CSMD1: variants seen among roughly 807,000 people sequenced by gnomAD.
CSMD1 encodes CUB and sushi domain-containing protein 1.
In CSMD1, 213 loss-of-function variants were observed where a neutral mutation model predicts 417.5. The observed-to-expected ratio is 0.51, with a 90% confidence interval of 0.46 to 0.57. The LOEUF is 0.57. Among genes scored for constraint, CSMD1 ranks in the 20% least tolerant of loss-of-function variants. The pLI is 0.00. For missense variants in CSMD1, 6,923 were observed against 4,529.7 expected, an observed-to-expected ratio of 1.53 and a Z score of -15.17; for synonymous variants, 2,862 against 1,736.8, an observed-to-expected ratio of 1.65 and a Z score of -16.11.
chr8:3,455,261 C>A (rs1816032604), intron 12 of CSMD1, among the ~76,000 whole-genome samples: 1 of 152,118 alleles, frequency 6.6e-6, no homozygotes, highest in Non-Finnish European at 1.5e-5. Flanking sequence ...GTTCAAACTT[C>A]CTCCTTTAGC....
intron 23 of CSMD1, among the ~76,000 whole-genome samples, chr8:3,335,309 G>T (rs1807183617): frequency 6.6e-6 from 1 of 152,136 alleles, no homozygotes; most frequent in South Asian, 2.1e-4. Context: ...ACAGTGACAG[G>T]ATCAATTTCC....
At chr8:4,213,973 G>T (rs997254168) in intron 3 of CSMD1, among the ~76,000 whole-genome samples, 1 of 152,152 alleles carries the variant, frequency 6.6e-6, no homozygotes, top group Admixed American at 6.5e-5. Flanking sequence ...AACACATGGT[G>T]TCTTTCAAGG....
rs551954586 is a variant in CSMD1, at chr8:4,345,473, A to G, written c.415+74480T>C. On this transcript the variant is annotated intron_variant, in intron 3 of 69. Coordinates refer to ENST00000635120, the MANE Select transcript of CSMD1 (RefSeq NM_033225.6). ...AAATAGATAACTGGAATTACATCAA[A>G]CTACAAAGCTTTTATATAGCAAAGG... Among the ~76,000 whole-genome samples the G allele has an allele frequency of 3.3e-5, 5 of 152,238 alleles. No homozygotes were observed. In the East Asian group the frequency reaches 7.7e-4, roughly 24 times the overall value.
chr8:3,755,709 C>T (rs1392145266), intron 5 of CSMD1, among the ~76,000 whole-genome samples: 1 of 152,028 alleles, frequency 6.6e-6, no homozygotes, highest in Non-Finnish European at 1.5e-5. Context: ...GGCTCTATTC[C>T]AACTCTCAGG....
chr8:3,194,288 G>C (rs538319303), intron 33 of CSMD1, among the ~76,000 whole-genome samples: 2 of 152,122 alleles, frequency 1.3e-5, no homozygotes, highest in African/African-American at 4.8e-5. Context: ...ACATGTATTT[G>C]CCTGCCCAGA....
At chr8:4,044,629 G>C (rs1027319955) in intron 3 of CSMD1, among the ~76,000 whole-genome samples, 6 of 152,302 alleles carry the variant, frequency 3.9e-5, no homozygotes, top group Middle Eastern at 3.4e-3. Flanking sequence ...AATAAGAAGA[G>C]ACATAGCGCA....
intron 7 of CSMD1, among the ~76,000 whole-genome samples, chr8:3,628,294 G>A (rs141050303): frequency 6.6e-6 from 1 of 152,182 alleles, no homozygotes; most frequent in African/African-American, 2.4e-5. Flanking sequence ...CCCAGCAGAG[G>A]TTGCAGCCCA....
chr8:4,328,316 T>G (rs2128889062), intron 3 of CSMD1, among the ~76,000 whole-genome samples: 1 of 151,390 alleles, frequency 6.6e-6, no homozygotes, highest in South Asian at 2.1e-4. Context: ...ACGACTCAGT[T>G]AAGTCAACTG....
At chr8:4,694,382 C>T (rs910904124) in intron 1 of CSMD1, among the ~76,000 whole-genome samples, 1 of 152,006 alleles carries the variant, frequency 6.6e-6, no homozygotes, top group African/African-American at 2.4e-5. Context: ...GACGGAGTCT[C>T]GCTCTGTCGC....
intron 23 of CSMD1, among the ~76,000 whole-genome samples, chr8:3,310,999 C>T (rs944460864): frequency 3.3e-5 from 5 of 152,124 alleles, no homozygotes; most frequent in Non-Finnish European, 7.3e-5. Flanking sequence ...GGTCAAGATG[C>T]CTACACAGGC....
At chr8:3,130,044 G>A (rs1167999946) in intron 41 of CSMD1, among the ~76,000 whole-genome samples, 1 of 152,054 alleles carries the variant, frequency 6.6e-6, no homozygotes, top group Non-Finnish European at 1.5e-5. Context: ...AAATGTGGGA[G>A]ACTTGCAAGT....
chr8:3,479,576 A>T (rs1475229028), intron 11 of CSMD1, among the ~76,000 whole-genome samples: 3 of 152,204 alleles, frequency 2.0e-5, no homozygotes, highest in Non-Finnish European at 4.4e-5. Context: ...CACCGCGCCC[A>T]GCCTGCCATT....
chr8:3,575,025 T>G lies in CSMD1; in HGVS notation c.1264A>C (p.Ile422Leu). 1 of 1,613,532 alleles carries G rather than the reference T, an allele frequency of 6.2e-7. No homozygotes were observed. The highest frequency in any genetic ancestry group is 1.3e-5 in the African/African-American group (1 of 75,004). The change falls in exon 10 of 70, where the codon ATT becomes CTT. Residue 422 changes from isoleucine (I) to leucine (L), a missense_variant. Physicochemically the swap from Ile to Leu is conservative, Grantham distance 5 (BLOSUM62 2). Transcript: ENST00000635120. Reference sequence around the variant, plus strand: ...TGAACCGGATAATTAGGGGAGGTAATGACGCCGCTGGGCCCACGCAGATTG... The same window carrying G: ...TGAACCGGATAATTAGGGGAGGTAAGGACGCCGCTGGGCCCACGCAGATTG... The part of the protein sequence containing the change: ...GSNLRGPSGV[I>L]TSPNYPVQYE...
chr8:3,389,317 T>C (rs936162869), intron 17 of CSMD1, among the ~76,000 whole-genome samples: 1 of 152,108 alleles, frequency 6.6e-6, no homozygotes, highest in Admixed American at 6.6e-5. Flanking sequence ...CCTCTATGTG[T>C]CCATGTGTTT....
chr8:3,579,359 G>T (rs1054554517), intron 9 of CSMD1, among the ~76,000 whole-genome samples: 5 of 152,040 alleles, frequency 3.3e-5, no homozygotes, highest in Admixed American at 3.3e-4. Flanking sequence ...TAACTTATCT[G>T]TTTATTTAAA....
chr8:4,147,862 T>A (rs372562473), intron 3 of CSMD1, among the ~76,000 whole-genome samples: 1 of 152,084 alleles, frequency 6.6e-6, no homozygotes, highest in East Asian at 1.9e-4. Flanking sequence ...AAATGGTAGC[T>A]GAGCTTCATG....
chr8:3,770,645 T>G (rs181911880), intron 5 of CSMD1, among the ~76,000 whole-genome samples: 1 of 152,302 alleles, frequency 6.6e-6, no homozygotes, highest in East Asian at 1.9e-4. Flanking sequence ...AAATTGTTTT[T>G]AGTGCTTTTT....
intron 5 of CSMD1, among the ~76,000 whole-genome samples, chr8:3,912,433 G>C (rs1426933155): frequency 2.0e-5 from 3 of 152,270 alleles, no homozygotes; most frequent in African/African-American, 7.2e-5. Context: ...TTTCTACTTA[G>C]AGTAGACCAG....
intron 3 of CSMD1, among the ~76,000 whole-genome samples, chr8:4,087,037 C>T (rs553233740): frequency 6.6e-6 from 1 of 152,294 alleles, no homozygotes; most frequent in South Asian, 2.1e-4. Context: ...TAAGTTCCTC[C>T]CCAGTGACTG....
Sources: allele counts gnomAD v4.1 joint callset (sites outside exome capture counted in the v4.1 genomes callset), GRCh38; gene constraint gnomAD v4.1.1; transcripts MANE v1.5; gene names NCBI Gene and HGNC (gene_info 2026-07-23, HGNC 2026-07-21).